PCDHA2: variants seen among roughly 807,000 people sequenced by gnomAD.
The protein encoded by PCDHA2 is protocadherin alpha-2.
PCDHA2 carries 58 observed loss-of-function variants against 66.0 expected under a neutral mutation model. That is an observed-to-expected ratio of 0.88 (90% CI 0.71 to 1.09). The LOEUF (loss-of-function observed/expected upper bound fraction) is 1.09, where lower values mean the gene tolerates loss of function less well. Ranked by LOEUF, PCDHA2 falls within the 50% of genes least tolerant of loss-of-function variation. The pLI, the probability that PCDHA2 is intolerant of heterozygous loss-of-function variation, is 0.00. For missense variants in PCDHA2, 1,267 were observed against 1,242.3 expected, an observed-to-expected ratio of 1.02 and a Z score of -0.30; for synonymous variants, 634 against 554.0, an observed-to-expected ratio of 1.14 and a Z score of -2.03.
chr5:140,836,400 G>A, intron 1 of PCDHA2: 1 of 1,613,760 alleles, frequency 6.2e-7, no homozygotes, highest in South Asian at 1.1e-5. Flanking sequence ...GGTGGAAAGC[G>A]GCCAGGCACC....
chr5:140,962,087 A>G (rs1284028102), intron 1 of PCDHA2, among the ~76,000 whole-genome samples: 10 of 151,912 alleles, frequency 6.6e-5, no homozygotes, highest in Non-Finnish European at 1.3e-4. Flanking sequence ...GGGTTTCACC[A>G]TGTTAGCCAG....
At chr5:140,858,468 G>T in intron 1 of PCDHA2, 1 of 1,521,202 alleles carries the variant, frequency 6.6e-7, no homozygotes, top group Non-Finnish European at 8.9e-7. Context: ...TTCCTTTTGT[G>T]CTTTATGAAT....
Position 140,797,350 on chromosome 5 carries a change from A to G in PCDHA2, c.2386A>G (p.Lys796Glu), listed in dbSNP as rs781857265. ...GCTCTCAGAATCAGAATACGTAGGA[A>G]AGGTGAGTCTTTTACTTTTTCTTGC... The part of the protein sequence containing the change: ...KQLSESEYVG[K>E]PRQPNPDWRY... Residue 796 changes from lysine (K) to glutamate (E), a missense_variant and splice_region_variant, in exon 1 of 4, where the codon AAG becomes GAG. Lys to Glu is a moderately conservative substitution (Grantham distance 56). Transcript: ENST00000526136. The G allele has an allele frequency of 6.2e-7, 1 of 1,613,806 alleles. No individual in the cohort carries two copies. The highest frequency in any genetic ancestry group is 1.7e-5 in the Admixed American group (1 of 60,018).
intron 1 of PCDHA2, among the ~76,000 whole-genome samples, chr5:140,873,598 G>A (rs888999019): frequency 1.3e-5 from 2 of 152,148 alleles, no homozygotes; most frequent in Non-Finnish European, 2.9e-5. Flanking sequence ...AAACTTAGAT[G>A]TTCCTATTGG....
intron 1 of PCDHA2, chr5:140,829,583 C>A (rs1770403312): frequency 6.2e-7 from 1 of 1,612,242 alleles, no homozygotes; most frequent in South Asian, 1.1e-5. Context: ...GGTGGAGCGG[C>A]GGGTGGGCGA....
intron 1 of PCDHA2, chr5:140,807,503 C>G (rs1581685370): frequency 6.2e-7 from 1 of 1,613,826 alleles, no homozygotes; most frequent in Non-Finnish European, 8.5e-7. Context: ...CAGCATCCAC[C>G]TGGAGGTGAT....
chr5:141,011,182 G>T lies in PCDHA2; in HGVS notation c.*1245G>T, dbSNP rs887034679. On this transcript the variant is annotated 3_prime_UTR_variant, in exon 4 of 4. Coordinates refer to ENST00000526136, the MANE Select transcript of PCDHA2 (RefSeq NM_018905.3). ...TATATATCAAGACCCAAAAATTGAA[G>T]AAAAATATTGTTTTCTCATACAGTG... 1.3e-5 allele frequency: 2 copies of T among 153,494 alleles called. No individual in the cohort carries two copies. Among genetic ancestry groups the T allele is most frequent in the Admixed American group, 6.6e-5 (1 of 15,254 alleles). The allele number at this position is 153,494 out of a possible 1,614,324, so 9.5% of individuals were successfully genotyped here.
chr5:140,966,109 C>G (rs373588380), intron 1 of PCDHA2: 47 of 156,394 alleles, frequency 3.0e-4, no homozygotes, highest in African/African-American at 1.1e-3. Context: ...GCCTGGGTGC[C>G]CATACTTAGC....
In PCDHA2 at chr5:140,883,790, G is replaced by T. The variant is rs200436467; in HGVS notation, c.2388+86438G>T. ...GGGCGAGCGTGCGCTGTCGAGCTAC[G>T]TGTCGGTGCACGCGGAGAGCGGCAA... On this transcript the variant is annotated intron_variant, in intron 1 of 3. Coordinates refer to ENST00000526136, the MANE Select transcript of PCDHA2 (RefSeq NM_018905.3). The T allele has an allele frequency of 3.5e-5, 57 of 1,612,406 alleles. No homozygotes were observed. The highest frequency in any genetic ancestry group is 4.3e-5 in the Non-Finnish European group (51 of 1,179,760).
intron 1 of PCDHA2, chr5:140,809,071 T>C: frequency 6.2e-7 from 1 of 1,613,898 alleles, no homozygotes; most frequent in Non-Finnish European, 8.5e-7. Flanking sequence ...GGCTGTACAC[T>C]GGCGAGATCA....
chr5:140,993,408 A>G (rs985721464), intron 3 of PCDHA2, among the ~76,000 whole-genome samples: 1 of 150,930 alleles, frequency 6.6e-6, no homozygotes, highest in African/African-American at 2.4e-5. Flanking sequence ...AACCACCTTC[A>G]TCAGCATTTC....
chr5:140,882,462 G>C (rs1487611246), intron 1 of PCDHA2: 1 of 1,613,916 alleles, frequency 6.2e-7, no homozygotes, highest in Non-Finnish European at 8.5e-7. Context: ...CGCCTGTTCC[G>C]GGTGGCGTCC....
chr5:140,843,689 G>A lies in PCDHA2; in HGVS notation c.2388+46337G>A, dbSNP rs2150365146. 5 of 1,587,152 alleles carry A rather than the reference G, an allele frequency of 3.2e-6. 1 individual carries two copies. The highest frequency in any genetic ancestry group is 4.3e-6 in the Non-Finnish European group (5 of 1,157,468). On this transcript the variant is annotated intron_variant, in intron 1 of 3. Coordinates refer to ENST00000526136, the MANE Select transcript of PCDHA2 (RefSeq NM_018905.3). ...ATCAGTTGATGTAGGCGAAGAGCAAGATTTAAATGTTGATCATGGCCTCAA... is the reference window on the plus strand; with the variant it reads ...ATCAGTTGATGTAGGCGAAGAGCAAAATTTAAATGTTGATCATGGCCTCAA...
chr5:140,961,504 G>T (rs2095618659), intron 1 of PCDHA2, among the ~76,000 whole-genome samples: 1 of 152,112 alleles, frequency 6.6e-6, no homozygotes, highest in African/African-American at 2.4e-5. Flanking sequence ...GGGAGACTTT[G>T]TTTAATGTCT....
Position 140,886,603 on chromosome 5 carries a change from G to GGATCAGGA in PCDHA2, c.2388+89261_2388+89268dup, listed in dbSNP as rs567691866. On this transcript the variant is annotated intron_variant, in intron 1 of 3. Coordinates refer to ENST00000526136, the MANE Select transcript of PCDHA2 (RefSeq NM_018905.3). ...AGCACTTTGGGAGGCCAAGGTGGGC[G>GGATCAGGA]GATCAGGAGATCAGGAGTCCGAGAC... 2.7e-3 allele frequency among the ~76,000 whole-genome samples: 409 copies of GGATCAGGA among 152,092 alleles called. 3 individuals carry two copies. The highest frequency in any genetic ancestry group is 0.014 in the Middle Eastern group (4 of 294).
rs1386349755 is a variant in PCDHA2 at position 140,814,836 on chromosome 5, T to C, written c.2388+17484T>C. The stretch of plus-strand genomic sequence containing the variant: ...GTATTGCTATCTATTTCTCCATTTC[T>C]GTGAATGTTTGCCTCATATATTTAG... On this transcript the variant is annotated intron_variant, in intron 1 of 3. Coordinates refer to ENST00000526136, the MANE Select transcript of PCDHA2 (RefSeq NM_018905.3). 4 of 152,238 alleles carry C rather than the reference T, an allele frequency of 2.6e-5. No individual in the cohort carries two copies. The South Asian group carries it at 8.3e-4, about 32-fold the overall frequency. The allele number at this position is 152,238 out of a possible 1,614,324, so 9.4% of individuals were successfully genotyped here. A position where few individuals can be genotyped will look rare whatever the true frequency, so the allele number is the denominator to read the frequency against.
chr5:140,987,797 T>A (rs967250070), intron 3 of PCDHA2, among the ~76,000 whole-genome samples: 23 of 152,308 alleles, frequency 1.5e-4, no homozygotes, highest in African/African-American at 4.3e-4. Flanking sequence ...AAGATTTTTT[T>A]AAAGTGCCTG....
At chr5:140,936,347 G>A (rs2090928614) in intron 1 of PCDHA2, among the ~76,000 whole-genome samples, 1 of 152,066 alleles carries the variant, frequency 6.6e-6, no homozygotes, top group South Asian at 2.1e-4. Flanking sequence ...CTGCATATAT[G>A]GAATGTGTAG....
chr5:140,803,071 G>A, intron 1 of PCDHA2: 1 of 1,613,844 alleles, frequency 6.2e-7, no homozygotes, highest in East Asian at 2.2e-5. Context: ...TTTCGCGTGG[G>A]GCTGTACACG....
Sources: gnomAD v4.1 joint callset for allele counts (sites outside exome capture counted in the v4.1 genomes callset) on GRCh38, gnomAD v4.1.1 for gene constraint, MANE v1.5 for transcripts, NCBI Gene and HGNC (gene_info 2026-07-23, HGNC 2026-07-21) for gene names.